The following TSHZ2 variants were observed in gnomAD, a reference collection of about 807,000 sequenced individuals.
TSHZ2 encodes teashirt homolog 2.
Under a neutral mutation model 74.4 loss-of-function variants are expected in TSHZ2, and 21 were observed. The observed-to-expected ratio is 0.28, with a 90% CI of 0.20 to 0.41. The LOEUF (loss-of-function observed/expected upper bound fraction) is 0.41. Among genes scored for constraint, TSHZ2 ranks in the 10% least tolerant of loss-of-function variants. The probability of loss-of-function intolerance (pLI) is 1.00; values close to 1 mark genes in which losing one functional copy is unlikely to be tolerated. For missense variants in TSHZ2, 1,244 were observed against 1,293.5 expected (o/e 0.96, Z 0.59); for synonymous variants, 540 against 515.3 (o/e 1.05, Z -0.65).
At chr20:53,401,999 G>A (rs1033488300) in intron 2 of TSHZ2, among the ~76,000 whole-genome samples, 2 of 151,966 alleles carry the variant, frequency 1.3e-5, no homozygotes, top group Non-Finnish European at 2.9e-5. Context: ...TAACCAGGAT[G>A]GTCTCGATCT....
intron 1 of TSHZ2, among the ~76,000 whole-genome samples, chr20:53,003,779 A>G (rs949208522): frequency 4.6e-5 from 7 of 152,220 alleles, no homozygotes; most frequent in African/African-American, 7.2e-5. Flanking sequence ...ACAGATAAAC[A>G]AATTGTACAT....
chr20:53,068,037 G>T (rs774461399), intron 1 of TSHZ2, among the ~76,000 whole-genome samples: 2 of 152,126 alleles, frequency 1.3e-5, no homozygotes, highest in Non-Finnish European at 2.9e-5. Context: ...CGTCCGTGTT[G>T]TCAGGTGGCA....
intron 1 of TSHZ2, among the ~76,000 whole-genome samples, chr20:53,150,514 C>T (rs1205413010): frequency 1.3e-5 from 2 of 152,104 alleles, no homozygotes; most frequent in African/African-American, 4.8e-5. Flanking sequence ...TGCACATATC[C>T]TCAATTTAGT....
In TSHZ2 at chr20:53,067,859, C is replaced by T. The variant is rs146305708; in HGVS notation, c.40+94526C>T. Among the ~76,000 whole-genome samples the T allele has an allele frequency of 1.1e-3, 165 of 152,282 alleles. No individual in the cohort carries two copies. In the Middle Eastern group the frequency reaches 0.017, roughly 16 times the overall value. On this transcript the variant is annotated intron_variant, in intron 1 of 2. Coordinates refer to ENST00000371497, the MANE Select transcript of TSHZ2 (RefSeq NM_173485.6). ...ATGTACTGTCTCAGAGCTTCAGAGG[C>T]TAGAAGTGCAAAAACAAAGGTGTTG...
intron 1 of TSHZ2, among the ~76,000 whole-genome samples, chr20:52,989,439 TAAA>T (rs1021913568): frequency 6.6e-6 from 1 of 152,148 alleles, no homozygotes; most frequent in African/African-American, 2.4e-5. Context: ...AAAGAACTGT[TAAA>T]AAAATAAAAT....
intron 1 of TSHZ2, among the ~76,000 whole-genome samples, chr20:53,057,483 G>T (rs1984677890): frequency 6.6e-6 from 1 of 151,936 alleles, no homozygotes; most frequent in Non-Finnish European, 1.5e-5. Context: ...GCACCCACTT[G>T]CCAGGTTATG....
intron 1 of TSHZ2, among the ~76,000 whole-genome samples, chr20:53,114,983 GTTAA>G (rs1030406021): frequency 5.3e-5 from 8 of 152,308 alleles, no homozygotes; most frequent in Non-Finnish European, 8.8e-5. Flanking sequence ...ATGTGGGAGT[GTTAA>G]TTCTCAGTGG....
At position 53,001,088 on chromosome 20, in the gene TSHZ2, A is replaced by G. The variant is rs527850220; in HGVS notation, c.40+27755A>G. Among the ~76,000 whole-genome samples, 23 of 152,252 alleles carry G rather than the reference A, an allele frequency of 1.5e-4. No individual in the cohort carries two copies. The South Asian group carries it at 4.1e-3, about 27-fold the overall frequency. On this transcript the variant is annotated intron_variant, in intron 1 of 2. Transcript: ENST00000371497. ...TAAGACACAGATAGCAGAGATGAGG[A>G]GTAGCGTGATGAAAACTCACATTAA...
chr20:53,024,612 C>T (rs777746887), intron 1 of TSHZ2, among the ~76,000 whole-genome samples: 4 of 151,958 alleles, frequency 2.6e-5, no homozygotes, highest in Non-Finnish European at 5.9e-5. Context: ...CCATCATTTA[C>T]ATTAGGTATT....
At chr20:53,393,611 T>A (rs1197693211) in intron 2 of TSHZ2, among the ~76,000 whole-genome samples, 1 of 151,996 alleles carries the variant, frequency 6.6e-6, no homozygotes, top group African/African-American at 2.4e-5. Context: ...TTAGTTTCGG[T>A]GGTGATTACA....
At chr20:53,260,878 A>G (rs1990587824) in intron 2 of TSHZ2, among the ~76,000 whole-genome samples, 1 of 152,152 alleles carries the variant, frequency 6.6e-6, no homozygotes, top group African/African-American at 2.4e-5. Context: ...TCTCAACTCT[A>G]ACTAATTAAT....
chr20:53,054,890 C>G (rs1984587890), intron 1 of TSHZ2, among the ~76,000 whole-genome samples: 1 of 152,102 alleles, frequency 6.6e-6, no homozygotes, highest in African/African-American at 2.4e-5. Flanking sequence ...GTGGAATGCT[C>G]ATGCTCATTT....
chr20:53,026,756 T>C (rs1419616669), intron 1 of TSHZ2, among the ~76,000 whole-genome samples: 1 of 152,234 alleles, frequency 6.6e-6, no homozygotes. Context: ...TATGTACTAT[T>C]TTGTAATATC....
chr20:53,408,202 C>A (rs1982917036), intron 2 of TSHZ2, among the ~76,000 whole-genome samples: 1 of 152,190 alleles, frequency 6.6e-6, no homozygotes, highest in Non-Finnish European at 1.5e-5. Context: ...GAAATGCTAT[C>A]CCTTTCCGTT....
At chr20:53,149,212 G>C (rs896012241) in intron 1 of TSHZ2, among the ~76,000 whole-genome samples, 1 of 149,034 alleles carries the variant, frequency 6.7e-6, no homozygotes. Context: ...GATTTCCTCT[G>C]CTGGTGAGCC....
At chr20:53,373,588 C>T (rs924680675) in intron 2 of TSHZ2, among the ~76,000 whole-genome samples, 10 of 152,048 alleles carry the variant, frequency 6.6e-5, no homozygotes, top group East Asian at 1.9e-4. Flanking sequence ...CAAAGAGAGA[C>T]GGTGATGACT....
At chr20:53,046,107 A>G (rs1984219600) in intron 1 of TSHZ2, among the ~76,000 whole-genome samples, 1 of 152,118 alleles carries the variant, frequency 6.6e-6, no homozygotes, top group Admixed American at 6.5e-5. Context: ...TGTGTGCTTT[A>G]GAGTGGGTCT....
chr20:53,045,838 C>G (rs76701682), intron 1 of TSHZ2, among the ~76,000 whole-genome samples: 1,748 of 152,236 alleles, frequency 0.011, 32 homozygotes, highest in African/African-American at 0.04. Context: ...CACAACTGTT[C>G]CATCATCGTC....
Position 52,986,333 on chromosome 20 carries a change from C to T in TSHZ2, c.40+13000C>T, listed in dbSNP as rs113692083. On this transcript the variant is annotated intron_variant, in intron 1 of 2. Transcript: ENST00000371497. ...AGGAGAATTGCTTGAACCCGGGAGG[C>T]GGAGGTTGCAGTGAGAGCCGAGATT... Among the ~76,000 whole-genome samples the T allele has an allele frequency of 8.0e-3, 1,168 of 146,798 alleles. 20 individuals are homozygous for T. The highest frequency in any genetic ancestry group is 0.028 in the African/African-American group (1,102 of 39,468).
Sources: gnomAD v4.1 joint callset for allele counts (sites outside exome capture counted in the v4.1 genomes callset) on GRCh38, gnomAD v4.1.1 for gene constraint, MANE v1.5 for transcripts, NCBI Gene and HGNC (gene_info 2026-07-23, HGNC 2026-07-21) for gene names.